SIPA1L2: variants seen among roughly 807,000 people sequenced by gnomAD.
SIPA1L2 encodes signal induced proliferation associated 1 like 2.
Under a neutral mutation model 163.9 loss-of-function variants are expected in SIPA1L2, and 56 were observed. The observed-to-expected ratio is 0.34, with a 90% confidence interval of 0.28 to 0.43. The LOEUF (loss-of-function observed/expected upper bound fraction) is 0.43. SIPA1L2 is among the 20% of genes least tolerant of loss of function. SIPA1L2 has a pLI of 1.00. For missense variants in SIPA1L2, 1,974 were observed against 2,193.5 expected, an observed-to-expected ratio of 0.90 and a Z score of 2.00; for synonymous variants, 877 against 865.7, an observed-to-expected ratio of 1.01 and a Z score of -0.23.
chr1:232,461,785 G>A (rs1251846085), intron 9 of SIPA1L2, among the ~76,000 whole-genome samples: 7 of 152,176 alleles, frequency 4.6e-5, no homozygotes, highest in Non-Finnish European at 7.3e-5. Context: ...TGTTCTCTAC[G>A]CACCAGCCCT....
chr1:232,408,363 T>G (rs1341280285), intron 19 of SIPA1L2, among the ~76,000 whole-genome samples: 1 of 152,092 alleles, frequency 6.6e-6, no homozygotes. Context: ...TGCACAATAT[T>G]TTTCTATTGG....
chr1:232,402,537 G>GAGCAT, intron 21 of SIPA1L2, 64 bp from the exon 22 acceptor site: 1 of 1,403,596 alleles, frequency 7.1e-7, no homozygotes, highest in Non-Finnish European at 9.9e-7. Flanking sequence ...TGTTGGTCAA[G>GAGCAT]TTTTCACTCG....
chr1:232,520,082 G>A (rs560579309), intron 2 of SIPA1L2, among the ~76,000 whole-genome samples: 5 of 152,114 alleles, frequency 3.3e-5, no homozygotes, highest in African/African-American at 7.2e-5. Context: ...GTGAGAAGAC[G>A]GAGTTTGCCT....
intron 18 of SIPA1L2, among the ~76,000 whole-genome samples, chr1:232,417,379 T>C (rs763165873): frequency 2.6e-5 from 4 of 152,198 alleles, no homozygotes; most frequent in Non-Finnish European, 5.9e-5. Flanking sequence ...AATGGATATA[T>C]TGTCCACATT....
chr1:232,574,648 T>C (rs1048748125), intron 1 of SIPA1L2, among the ~76,000 whole-genome samples: 1 of 152,230 alleles, frequency 6.6e-6, no homozygotes, highest in Non-Finnish European at 1.5e-5. Flanking sequence ...CAGTTTTAAT[T>C]CTAGTATAGT....
intron 8 of SIPA1L2, among the ~76,000 whole-genome samples, chr1:232,470,574 C>T (rs562003442): frequency 6.6e-6 from 1 of 152,240 alleles, no homozygotes; most frequent in South Asian, 2.1e-4. Context: ...GCTGAATTGG[C>T]AACTACTGCT....
chr1:232,414,207 T>C (rs1366785986), intron 19 of SIPA1L2, among the ~76,000 whole-genome samples: 1 of 152,194 alleles, frequency 6.6e-6, no homozygotes, highest in Non-Finnish European at 1.5e-5. Context: ...TGAGCGCACA[T>C]TCATGTTGCA....
chr1:232,432,403 T>G lies in SIPA1L2; in HGVS notation c.4100A>C (p.Lys1367Thr). Residue 1367 changes from lysine to threonine, a missense_variant, in exon 16 of 23, where the codon AAA (lysine) becomes ACA (threonine). Lys to Thr is a moderately conservative substitution (Grantham distance 78, BLOSUM62 -1). Transcript: ENST00000674635. The part of the protein sequence containing the change: ...SKSSGSLDSS[K>T]VYIVSHSSGQ... Reference sequence around the variant, plus strand: ...GCTGCTGTGAGACACGATGTAGACTTTGGATGAATCCAGAGACCCACTACT... The same window carrying G: ...GCTGCTGTGAGACACGATGTAGACTGTGGATGAATCCAGAGACCCACTACT... 6.2e-7 allele frequency: 1 copy of G among 1,614,218 alleles called. No homozygotes were observed. Among genetic ancestry groups the G allele is most frequent in the African/African-American group, 1.3e-5 (1 of 75,040 alleles).
chr1:232,625,213 CG>C (rs1400291822), intron 1 of SIPA1L2, among the ~76,000 whole-genome samples: 1 of 152,124 alleles, frequency 6.6e-6, no homozygotes, highest in Non-Finnish European at 1.5e-5. Flanking sequence ...TAACTATAAC[CG>C]AGAGTGTGAC....
intron 2 of SIPA1L2, among the ~76,000 whole-genome samples, chr1:232,559,780 C>A (rs1658926548): frequency 6.6e-6 from 1 of 151,986 alleles, no homozygotes; most frequent in Non-Finnish European, 1.5e-5. Context: ...AACAAAGAAG[C>A]CTTGGTTCAA....
chr1:232,428,591 T>C, intron 16 of SIPA1L2, 27 bp from the exon 17 acceptor site: 1 of 1,475,084 alleles, frequency 6.8e-7, no homozygotes, highest in East Asian at 2.6e-5. Flanking sequence ...GAATGGAAAT[T>C]AAGCCTATTT....
intron 1 of SIPA1L2, among the ~76,000 whole-genome samples, chr1:232,593,822 C>G (rs1661093695): frequency 6.6e-6 from 1 of 152,176 alleles, no homozygotes; most frequent in South Asian, 2.1e-4. Flanking sequence ...AGAAAAGTCA[C>G]CTTTCAGCAA....
At chr1:232,489,495 G>GT (rs201264122) in intron 5 of SIPA1L2, among the ~76,000 whole-genome samples, 9,226 of 144,334 alleles carry the variant, frequency 0.064, 903 homozygotes, top group African/African-American at 0.21. Flanking sequence ...TTAGAGTATG[G>GT]TTTTTTTTTT....
At chr1:232,604,403 A>G (rs770303494) in intron 1 of SIPA1L2, among the ~76,000 whole-genome samples, 6 of 152,218 alleles carry the variant, frequency 3.9e-5, no homozygotes, top group African/African-American at 9.6e-5. Flanking sequence ...CAGATGTTCA[A>G]TAACGCAGAA....
intron 2 of SIPA1L2, among the ~76,000 whole-genome samples, chr1:232,552,120 G>GT (rs1234872968): frequency 2.0e-5 from 3 of 152,152 alleles, no homozygotes; most frequent in Non-Finnish European, 4.4e-5. Flanking sequence ...GATTACAGGC[G>GT]TGAGCCACCA....
At chr1:232,567,906 A>C (rs929644759) in intron 2 of SIPA1L2, among the ~76,000 whole-genome samples, 1 of 152,192 alleles carries the variant, frequency 6.6e-6, no homozygotes, top group Non-Finnish European at 1.5e-5. Flanking sequence ...CCAATGGTTT[A>C]ATCAATAATG....
intron 1 of SIPA1L2, among the ~76,000 whole-genome samples, chr1:232,596,805 C>T (rs1222850830): frequency 2.6e-5 from 4 of 152,276 alleles, no homozygotes; most frequent in Admixed American, 2.0e-4. Context: ...GTGAGGGGAT[C>T]GATGAGTTAA....
At chr1:232,609,014 A>T (rs961653102) in intron 1 of SIPA1L2, among the ~76,000 whole-genome samples, 1 of 150,384 alleles carries the variant, frequency 6.6e-6, no homozygotes, top group African/African-American at 2.4e-5. Context: ...AAAAAAAAGT[A>T]ACCTCTTTTC....
At chr1:232,405,944 C>T (rs896399038) in intron 19 of SIPA1L2, among the ~76,000 whole-genome samples, 2 of 152,130 alleles carry the variant, frequency 1.3e-5, no homozygotes, top group African/African-American at 4.8e-5. Flanking sequence ...CAGACATCCC[C>T]TAGGGAGAAA....
Sources: allele counts gnomAD v4.1 joint callset (sites outside exome capture counted in the v4.1 genomes callset), GRCh38; gene constraint gnomAD v4.1.1; transcripts MANE v1.5; gene names NCBI Gene and HGNC (gene_info 2026-07-23, HGNC 2026-07-21).